Variants in RAD52 observed in about 807,000 individuals in gnomAD.
RAD52 encodes the protein RAD52 DNA repair protein, also known as DNA repair protein RAD52 homolog.
Under a neutral mutation model 55.5 loss-of-function variants are expected in RAD52, and 47 were observed. The ratio of observed to expected loss-of-function variants is 0.85; its 90% CI spans 0.67 to 1.08. RAD52 has a LOEUF of 1.08. Among genes scored for constraint, RAD52 ranks in the 50% least tolerant of loss-of-function variants. RAD52 has a pLI of 0.00. For missense variants in RAD52, 468 were observed against 522.8 expected, an observed-to-expected ratio of 0.90 and a Z score of 1.02; for synonymous variants, 184 against 198.9, an observed-to-expected ratio of 0.92 and a Z score of 0.63.
intron 1 of RAD52, among the ~76,000 whole-genome samples, chr12:957,294 C>T (rs1958619621): frequency 6.6e-6 from 1 of 151,764 alleles, no homozygotes; most frequent in African/African-American, 2.4e-5. Flanking sequence ...CCCGTCTCTA[C>T]TAAAAATACA....
chr12:965,056 T>C (rs1376957575), intron 1 of RAD52, among the ~76,000 whole-genome samples: 1 of 152,024 alleles, frequency 6.6e-6, no homozygotes, highest in Non-Finnish European at 1.5e-5. Context: ...CTTGGCTCAC[T>C]GCAACCTCTG....
At chr12:955,947 AT>A (rs58071794) in intron 1 of RAD52, among the ~76,000 whole-genome samples, 115,056 of 151,802 alleles carry the variant, frequency 0.76, 44,051 homozygotes, top group South Asian at 0.84. Context: ...TGCCCGGCTA[AT>A]TTTTGCATTT....
intron 1 of RAD52, among the ~76,000 whole-genome samples, chr12:939,124 C>A (rs979813986): frequency 5.4e-5 from 8 of 147,674 alleles, no homozygotes; most frequent in African/African-American, 1.5e-4. Context: ...AGCAAAAGTA[C>A]AAATTTATGA....
intron 7 of RAD52, among the ~76,000 whole-genome samples, chr12:918,187 G>A (rs1019644355): frequency 2.6e-5 from 4 of 152,124 alleles, no homozygotes; most frequent in Non-Finnish European, 5.9e-5. Context: ...ACAGCCACAA[G>A]CTACAAAAAC....
chr12:982,942 C>A (rs1301135337), intron 1 of RAD52, among the ~76,000 whole-genome samples: 1 of 152,090 alleles, frequency 6.6e-6, no homozygotes, highest in Admixed American at 6.6e-5. Flanking sequence ...CTCCACCTCC[C>A]GGGTTCAAGC....
chr12:923,812 C>G (rs912358069), intron 7 of RAD52, among the ~76,000 whole-genome samples: 4 of 151,948 alleles, frequency 2.6e-5, no homozygotes, highest in African/African-American at 9.7e-5. Flanking sequence ...CATCCCAAAA[C>G]TTTCGGAGGC....
At chr12:969,623 C>A (rs1345382111) in intron 1 of RAD52, among the ~76,000 whole-genome samples, 1 of 151,244 alleles carries the variant, frequency 6.6e-6, no homozygotes, top group East Asian at 1.9e-4. Flanking sequence ...CCTGTCTCTA[C>A]AAAAATAAAA....
chr12:940,374 G>A (rs1379428425), intron 1 of RAD52, among the ~76,000 whole-genome samples: 9 of 152,008 alleles, frequency 5.9e-5, no homozygotes, highest in Non-Finnish European at 8.8e-5. Flanking sequence ...CAAGGCGGGC[G>A]GATCACGAGG....
intron 1 of RAD52, among the ~76,000 whole-genome samples, chr12:945,929 A>T (rs548345531): frequency 6.6e-6 from 1 of 151,876 alleles, no homozygotes; most frequent in Non-Finnish European, 1.5e-5. Flanking sequence ...AGGTTGAGGC[A>T]GGAGAATCGC....
At chr12:916,207 T>G (rs1336915055) in intron 9 of RAD52, 137 bp downstream of exon 9, 20 of 1,462,994 alleles carry the variant, frequency 1.4e-5, no homozygotes, top group South Asian at 4.3e-5. Flanking sequence ...TCATCTCTCC[T>G]GCGTGTAGCT....
chr12:948,918 A>G (rs540839207), intron 1 of RAD52, among the ~76,000 whole-genome samples: 3 of 152,254 alleles, frequency 2.0e-5, no homozygotes, highest in Non-Finnish European at 4.4e-5. Context: ...AGGCTGGCGT[A>G]GAACTCCTGG....
chr12:956,112 A>C (rs560797416), intron 1 of RAD52, among the ~76,000 whole-genome samples: 9 of 152,302 alleles, frequency 5.9e-5, no homozygotes, highest in Non-Finnish European at 1.0e-4. Context: ...GGGCAGCCAC[A>C]TGACTCAGCT....
At chr12:979,110 T>G (rs762656180) in intron 1 of RAD52, among the ~76,000 whole-genome samples, 1 of 152,094 alleles carries the variant, frequency 6.6e-6, no homozygotes, top group Non-Finnish European at 1.5e-5. Context: ...CCAATGTGCC[T>G]GTATTTGGAG....
At chr12:945,793 G>A (rs915735747) in intron 1 of RAD52, among the ~76,000 whole-genome samples, 15 of 150,538 alleles carry the variant, frequency 1.0e-4, no homozygotes, top group African/African-American at 3.7e-4. Flanking sequence ...GGGAGGCCGA[G>A]GCAGGCAGAT....
chr12:970,756 G>A (rs1344351315), intron 1 of RAD52, among the ~76,000 whole-genome samples: 1 of 152,120 alleles, frequency 6.6e-6, no homozygotes. Context: ...AGACAAGGAG[G>A]TATCTGAAGA....
chr12:925,442 T>A lies in RAD52; in HGVS notation c.543+8A>T. On this transcript the variant is annotated splice_region_variant and intron_variant, in intron 7 of 11. Transcript: ENST00000358495. The stretch of plus-strand genomic sequence containing the variant: ...TATCTTCACTCCACTCATCCATGTC[T>A]GATATACCTGGCGTGGAAGCTTATT... 6.2e-7 allele frequency: 1 copy of A among 1,609,918 alleles called. No homozygotes were observed. The highest frequency in any genetic ancestry group is 2.2e-5 in the East Asian group (1 of 44,874).
chr12:957,984 A>G (rs899859062), intron 1 of RAD52, among the ~76,000 whole-genome samples: 3 of 152,218 alleles, frequency 2.0e-5, no homozygotes, highest in Non-Finnish European at 4.4e-5. Context: ...CACCTGTGGC[A>G]AGAGCCAGTG....
At chr12:933,329 G>A (rs1957439811) in intron 1 of RAD52, among the ~76,000 whole-genome samples, 1 of 151,890 alleles carries the variant, frequency 6.6e-6, no homozygotes, top group Admixed American at 6.6e-5. Context: ...CATGGTGGCA[G>A]GCGCCTGTAA....
chr12:933,603 C>T (rs1246855702), intron 1 of RAD52, among the ~76,000 whole-genome samples: 1 of 152,078 alleles, frequency 6.6e-6, no homozygotes, highest in Non-Finnish European at 1.5e-5. Context: ...CTACTTCTAC[C>T]TTTCTGTTAA....
Sources: allele counts gnomAD v4.1 joint callset (sites outside exome capture counted in the v4.1 genomes callset), GRCh38; gene constraint gnomAD v4.1.1; transcripts MANE v1.5; gene names NCBI Gene and HGNC (gene_info 2026-07-23, HGNC 2026-07-21).